OTOGL: variants seen among roughly 807,000 people sequenced by gnomAD.
OTOGL encodes otogelin-like protein.
In OTOGL, 285 loss-of-function variants were observed where a neutral mutation model predicts 318.5. That is an observed-to-expected ratio of 0.89 (90% CI 0.81 to 0.99). The LOEUF (loss-of-function observed/expected upper bound fraction) is 0.99, where lower values mean the gene tolerates loss of function less well. OTOGL is among the 50% of genes least tolerant of loss of function. The pLI, the probability that OTOGL is intolerant of heterozygous loss-of-function variation, is 0.00. For missense variants in OTOGL, 2,899 were observed against 2,845.6 expected (o/e 1.02, Z -0.43); for synonymous variants, 987 against 936.5 (o/e 1.05, Z -0.99).
chr12:80,356,345 C>A, intron 47 of OTOGL, 71 bp from the exon 48 acceptor site: 2 of 1,190,008 alleles, frequency 1.7e-6, no homozygotes, highest in African/African-American at 1.5e-5. Flanking sequence ...AGTTGGCAGT[C>A]ATTTCCCTGC....
intron 38 of OTOGL, among the ~76,000 whole-genome samples, chr12:80,334,099 A>T (rs754804311): frequency 7.2e-5 from 11 of 152,116 alleles, no homozygotes; most frequent in African/African-American, 1.7e-4. Flanking sequence ...GTAAGGTGTA[A>T]GGAGGGAATA....
chr12:80,323,767 T>C lies in OTOGL; in HGVS notation c.4126T>C (p.Tyr1376His), dbSNP rs189109216. The C allele has an allele frequency of 6.2e-7, 1 of 1,613,848 alleles. No homozygotes were observed. Among genetic ancestry groups the C allele is most frequent in the Middle Eastern group, 1.6e-4 (1 of 6,084 alleles). The change falls in exon 35 of 59, where the codon TAT becomes CAT. Residue 1376 changes from tyrosine to histidine, a missense_variant. By Grantham distance (83) the Tyr-to-His change is moderately conservative. This residue lies in a region of OTOGL where 2,607 missense variants were observed against 2,524.9 expected (regional missense o/e 1.03). Coordinates refer to ENST00000547103, the MANE Select transcript of OTOGL (RefSeq NM_001378609.3). ...TTACAGGAAGATGTGTGAATGGAGA[T>C]ATGAACCTTGTGCTACACCCTGTTT... ...VPYRKMCEWR[Y>H]EPCATPCFKT...
intron 33 of OTOGL, 74 bp downstream of exon 33, chr12:80,318,787 T>A: frequency 9.6e-7 from 1 of 1,041,370 alleles, no homozygotes; most frequent in South Asian, 5.0e-5. Context: ...AAATATTAAT[T>A]GAGAATCTAA....
chr12:80,286,488 G>A (rs1472125677), intron 26 of OTOGL, among the ~76,000 whole-genome samples: 1 of 152,136 alleles, frequency 6.6e-6, no homozygotes, highest in Non-Finnish European at 1.5e-5. Context: ...ATTTGGCTGT[G>A]AATCCATCTG....
chr12:80,306,817 TA>T (rs67554051), intron 29 of OTOGL, among the ~76,000 whole-genome samples: 3,796 of 116,832 alleles, frequency 0.032, 153 homozygotes, highest in African/African-American at 0.096. Context: ...TTATTATTAT[TA>T]TTTTTTAATT....
At chr12:80,260,469 C>T (rs187087469) in intron 18 of OTOGL, among the ~76,000 whole-genome samples, 7 of 152,062 alleles carry the variant, frequency 4.6e-5, no homozygotes, top group South Asian at 2.1e-4. Flanking sequence ...GTCCCCGCCA[C>T]GTGTAAACAT....
chr12:80,277,715 A>G (rs1401034439), intron 24 of OTOGL, among the ~76,000 whole-genome samples: 1 of 151,546 alleles, frequency 6.6e-6, no homozygotes, highest in African/African-American at 2.4e-5. Context: ...AAACACTCAG[A>G]AAGAAGCTTT....
intron 1 of OTOGL, among the ~76,000 whole-genome samples, chr12:80,151,360 C>T (rs1233469630): frequency 6.6e-6 from 1 of 152,156 alleles, no homozygotes; most frequent in Non-Finnish European, 1.5e-5. Context: ...TATGCTTTAA[C>T]CACACAATCT....
rs539886788 is a variant in OTOGL at position 80,188,408 on chromosome 12, T to G, written c.-19-21005T>G. On this transcript the variant is annotated intron_variant, in intron 1 of 58. Coordinates refer to ENST00000547103, the MANE Select transcript of OTOGL (RefSeq NM_001378609.3). ...CAAAAATTAGCCGGGTGTGGTGGCA[T>G]GCGCCTGTAATCCCAGCTACTCAGG... Among the ~76,000 whole-genome samples the G allele has an allele frequency of 1.3e-4, 19 of 151,708 alleles. No individual in the cohort carries two copies. The East Asian group carries it at 3.3e-3, about 26-fold the overall frequency.
At chr12:80,115,799 C>G (rs964694676) in intron 1 of OTOGL, among the ~76,000 whole-genome samples, 2 of 152,180 alleles carry the variant, frequency 1.3e-5, no homozygotes, top group African/African-American at 4.8e-5. Flanking sequence ...CTTTGCTGAG[C>G]AGTGGTGGGC....
Position 80,265,086 on chromosome 12 carries a change from G to T in OTOGL, c.2100G>T (p.Gln700His). ...HIYISPGLYY[Q>H]LCRHDACKCG... The stretch of plus-strand genomic sequence containing the variant: ...ATATTAGCCCTGGGCTGTACTATCA[G>T]CTATGCCGCCACGATGCATGCAAGT... The change falls in exon 20 of 59, where the codon CAG becomes CAT. Residue 700 changes from glutamine (Q) to histidine (H), a missense_variant. Gln to His is a conservative substitution (Grantham distance 24). Coordinates refer to ENST00000547103, the MANE Select transcript of OTOGL (RefSeq NM_001378609.3). 6.2e-7 allele frequency: 1 copy of T among 1,613,880 alleles called. No individual in the cohort carries two copies. Among genetic ancestry groups the T allele is most frequent in the Middle Eastern group, 1.7e-4 (1 of 6,060 alleles).
intron 2 of OTOGL, 129 bp downstream of exon 2, chr12:80,209,639 A>AT (rs1877090008): frequency 4.1e-6 from 2 of 490,512 alleles, no homozygotes. Flanking sequence ...TGATACTCAG[A>AT]TCACCTTTTA....
intron 1 of OTOGL, among the ~76,000 whole-genome samples, chr12:80,135,758 T>C (rs1271268670): frequency 6.6e-6 from 1 of 152,052 alleles, no homozygotes; most frequent in Non-Finnish European, 1.5e-5. Context: ...TATTCTTGGA[T>C]GAGATTGATA....
At chr12:80,150,266 A>C (rs905495363) in intron 1 of OTOGL, among the ~76,000 whole-genome samples, 1 of 152,142 alleles carries the variant, frequency 6.6e-6, no homozygotes, top group East Asian at 1.9e-4. Flanking sequence ...TTTGTCCTCT[A>C]TGTGATATTC....
intron 1 of OTOGL, among the ~76,000 whole-genome samples, chr12:80,147,020 A>G (rs61950565): frequency 0.022 from 3,340 of 151,472 alleles, 54 homozygotes; most frequent in Non-Finnish European, 0.034. Context: ...TGGATTCATT[A>G]ATTTTTTGAA....
chr12:80,332,839 ATCT>A (rs1334248642), intron 37 of OTOGL, among the ~76,000 whole-genome samples, 163 bp from the exon 38 acceptor site: 3 of 152,176 alleles, frequency 2.0e-5, no homozygotes, highest in Non-Finnish European at 4.4e-5. Flanking sequence ...TAGTTTCCTC[ATCT>A]TCTGTAAAAT....
intron 1 of OTOGL, among the ~76,000 whole-genome samples, chr12:80,138,052 C>T (rs965045687): frequency 6.6e-6 from 1 of 152,138 alleles, no homozygotes; most frequent in Non-Finnish European, 1.5e-5. Flanking sequence ...TGGGGTTAGA[C>T]TTTCCTTCTC....
At chr12:80,149,978 G>A (rs566172267) in intron 1 of OTOGL, among the ~76,000 whole-genome samples, 28 of 152,178 alleles carry the variant, frequency 1.8e-4, no homozygotes, top group Admixed American at 5.2e-4. Context: ...AGATGAACCC[G>A]GTACCTCAGA....
intron 1 of OTOGL, among the ~76,000 whole-genome samples, chr12:80,179,719 C>G (rs1479812659): frequency 1.3e-5 from 2 of 152,192 alleles, no homozygotes; most frequent in African/African-American, 2.4e-5. Flanking sequence ...GCTTAGATGA[C>G]TGCATGAAGT....
Sources: allele counts gnomAD v4.1 joint callset (sites outside exome capture counted in the v4.1 genomes callset), GRCh38; gene constraint gnomAD v4.1.1; regional missense constraint gnomAD v4.1.1; transcripts MANE v1.5; gene names NCBI Gene and HGNC (gene_info 2026-07-23, HGNC 2026-07-21).